The following CMYA5 variants were observed in gnomAD, a reference collection of about 807,000 sequenced individuals.
CMYA5 encodes cardiomyopathy associated 5, also known as cardiomyopathy-associated protein 5.
In CMYA5, 246 loss-of-function variants were observed where a neutral mutation model predicts 318.9. The observed-to-expected ratio is 0.77, with a 90% CI of 0.70 to 0.86. The LOEUF (loss-of-function observed/expected upper bound fraction) is 0.86, where lower values mean the gene tolerates loss of function less well. Ranked by LOEUF, CMYA5 falls within the 40% of genes least tolerant of loss-of-function variation. The probability of loss-of-function intolerance (pLI) is 0.00; values close to 1 mark genes in which losing one functional copy is unlikely to be tolerated. For missense variants in CMYA5, 4,589 were observed against 4,678.2 expected (o/e 0.98, Z 0.56); for synonymous variants, 1,641 against 1,729.5 (o/e 0.95, Z 1.27).
At chr5:79,743,685 A>C (rs933706007) in intron 2 of CMYA5, 142 bp from the exon 3 acceptor site, 13 of 465,090 alleles carry the variant, frequency 2.8e-5, no homozygotes, top group African/African-American at 2.6e-4. Context: ...CAGTAAAGAA[A>C]ATTTAAGGAT....
chr5:79,730,302 C>T lies in CMYA5; in HGVS notation c.1537C>T (p.Leu513=). 1 of 1,613,836 alleles carries T rather than the reference C, an allele frequency of 6.2e-7. No individual in the cohort carries two copies. The highest frequency in any genetic ancestry group is 1.1e-5 in the South Asian group (1 of 91,072). Residue 513 remains leucine, a synonymous_variant, in exon 2 of 13, where the codon CTA becomes TTA. Transcript: ENST00000446378. ...EPEKEEIETS[L]PIAITPEPED... is the part of the protein sequence containing the mutation. ...AGAGAAAGAAGAAATAGAAACTTCC[C>T]TACCCATAGCTATTACCCCTGAACC...
rs114130082 is a variant in CMYA5 at position 79,713,867 on chromosome 5, C to T, written c.150-15048C>T. 6.7e-3 allele frequency among the ~76,000 whole-genome samples: 1,021 copies of T among 152,206 alleles called. 9 individuals are homozygous for T. Among genetic ancestry groups the T allele is most frequent in the African/African-American group, 0.023 (942 of 41,514 alleles). Reference sequence around the variant, plus strand: ...GTAGGAAAGAAGATACTCACTACTTCGAAATCTCCTACCTTCACATGGATC... The same window carrying T: ...GTAGGAAAGAAGATACTCACTACTTTGAAATCTCCTACCTTCACATGGATC... On this transcript the variant is annotated intron_variant, in intron 1 of 12. Transcript: ENST00000446378.
chr5:79,712,432 T>G (rs1024641887), intron 1 of CMYA5, among the ~76,000 whole-genome samples: 1 of 152,014 alleles, frequency 6.6e-6, no homozygotes, highest in Non-Finnish European at 1.5e-5. Context: ...AGGCTGGTCT[T>G]GAACTCCTGC....
chr5:79,778,813 G>GTGTGTGTGTGTGTGTGTGTGTA (rs1828994121), intron 9 of CMYA5, among the ~76,000 whole-genome samples: 65 of 99,958 alleles, frequency 6.5e-4, no homozygotes, highest in African/African-American at 1.0e-3. Flanking sequence ...CTCTCTTTCT[G>GTGTGTGTGTGTGTGTGTGTGTA]TGTGTGTGTG....
At chr5:79,770,675 T>C (rs577650161) in intron 9 of CMYA5, among the ~76,000 whole-genome samples, 13 of 152,248 alleles carry the variant, frequency 8.5e-5, no homozygotes, top group Admixed American at 4.6e-4. Flanking sequence ...ACCTTCTACA[T>C]TGATCTCGCT....
Position 79,737,717 on chromosome 5 carries a change from C to G in CMYA5, c.8952C>G (p.Ala2984=). Residue 2984 remains alanine (A), a synonymous_variant, in exon 2 of 13, where the codon GCC becomes GCG. Transcript: ENST00000446378. Reference sequence around the variant, plus strand: ...AATTAGAATATTTGGAAGAGAAAGCCTCATTTAAAACCATACCACTCCCTG... The same window carrying G: ...AATTAGAATATTTGGAAGAGAAAGCGTCATTTAAAACCATACCACTCCCTG... ...QDKLEYLEEK[A]SFKTIPLPDD... 1 of 1,611,858 alleles carries G rather than the reference C, an allele frequency of 6.2e-7. No individual in the cohort carries two copies. The highest frequency in any genetic ancestry group is 8.5e-7 in the Non-Finnish European group (1 of 1,179,380).
chr5:79,768,418 G>A (rs1184321040), intron 9 of CMYA5, among the ~76,000 whole-genome samples: 17 of 152,082 alleles, frequency 1.1e-4, no homozygotes, highest in Admixed American at 1.1e-3. Context: ...AATTTGGTAT[G>A]TTTTTGCTGT....
rs1026433926 is a variant in CMYA5, at chr5:79,736,671, C to T, written c.7906C>T (p.Leu2636=). The T allele has an allele frequency of 3.7e-6, 6 of 1,613,534 alleles. No homozygotes were observed. In the African/African-American group the frequency reaches 8.0e-5, roughly 22 times the overall value. ...KVLVEKTKTF[L]PVALSCRDEI... is the part of the protein sequence containing the mutation. ...TTTGGTGGAGAAAACCAAGACTTTC[C>T]TGCCGGTGGCTCTTTCTTGTCGTGA... Residue 2636 remains leucine, a synonymous_variant, in exon 2 of 13, where the codon CTG becomes TTG. Transcript: ENST00000446378.
At chr5:79,722,016 T>G (rs1827648147) in intron 1 of CMYA5, among the ~76,000 whole-genome samples, 1 of 152,186 alleles carries the variant, frequency 6.6e-6, no homozygotes, top group African/African-American at 2.4e-5. Context: ...CTGCAGAACA[T>G]ATGTTCTTTT....
chr5:79,734,279 T>G lies in CMYA5; in HGVS notation c.5514T>G (p.Asp1838Glu). Reference sequence around the variant, plus strand: ...CAGATCAAACTGTTAAATTACCTGATGTAAGCACCTCTTCTGAAGATAAAC... The same window carrying G: ...CAGATCAAACTGTTAAATTACCTGAGGTAAGCACCTCTTCTGAAGATAAAC... Reference protein sequence around the residue: ...LHSDQTVKLPDVSTSSEDKQD... With the variant: ...LHSDQTVKLPEVSTSSEDKQD... Residue 1838 changes from aspartate to glutamate, a missense_variant, in exon 2 of 13, where the codon GAT becomes GAG. By Grantham distance (45) the Asp-to-Glu change is conservative. This residue lies in a region of CMYA5 where 2,132 missense variants were observed against 2,131.3 expected (regional missense o/e 1.00). Transcript: ENST00000446378. 1 of 1,613,624 alleles carries G rather than the reference T, an allele frequency of 6.2e-7. No individual in the cohort carries two copies. The highest frequency in any genetic ancestry group is 1.1e-5 in the South Asian group (1 of 91,002).
At position 79,731,240 on chromosome 5, in the gene CMYA5, A is replaced by G. The variant is rs1232945570; in HGVS notation, c.2475A>G (p.Lys825=). 4.3e-6 allele frequency: 7 copies of G among 1,613,892 alleles called. No individual in the cohort carries two copies. The highest frequency in any genetic ancestry group is 5.9e-6 in the Non-Finnish European group (7 of 1,179,882). ...IINEASQFKP[K]GISEHTVLSV... ...ATGAGGCATCCCAATTCAAACCAAAAGGTATTTCTGAGCACACAGTTCTGT... is the reference window on the plus strand; with the variant it reads ...ATGAGGCATCCCAATTCAAACCAAAGGGTATTTCTGAGCACACAGTTCTGT... Residue 825 remains lysine (K), a synonymous_variant, in exon 2 of 13, where the codon AAA becomes AAG. Transcript: ENST00000446378.
chr5:79,798,193 C>G (rs1222698359), intron 12 of CMYA5, among the ~76,000 whole-genome samples: 1 of 152,082 alleles, frequency 6.6e-6, no homozygotes, highest in African/African-American at 2.4e-5. Flanking sequence ...TAAATACTTG[C>G]ACTTGAGCTT....
In CMYA5 at chr5:79,736,050, C is replaced by T. The variant is rs201183682; in HGVS notation, c.7285C>T (p.Leu2429Phe). The T allele has an allele frequency of 1.5e-3, 2,393 of 1,612,252 alleles. 3 individuals are homozygous for T. Among genetic ancestry groups the T allele is most frequent in the Non-Finnish European group, 2.0e-3 (2,300 of 1,179,436 alleles). ...GSLIDFSEDR[L>F]KKEMQNPTSL... ...TTTAATTGATTTCAGTGAAGACAGA[C>T]TCAAGAAAGAAATGCAAAATCCTAC... The change falls in exon 2 of 13, where the codon CTC becomes TTC. Residue 2429 changes from leucine (L) to phenylalanine (F), a missense_variant. Physicochemically the swap from Leu to Phe is conservative, Grantham distance 22. Around this residue, in one of 3 missense-constraint regions of CMYA5, gnomAD observed 2,431 missense variants for 2,495.1 expected, o/e 0.97. Transcript: ENST00000446378.
intron 3 of CMYA5, 61 bp from the exon 4 acceptor site, chr5:79,745,161 A>G: frequency 8.6e-7 from 1 of 1,159,308 alleles, no homozygotes; most frequent in African/African-American, 1.6e-5. Flanking sequence ...TTCCAAAAAA[A>G]AAAAAAAGCA....
At chr5:79,709,588 AT>A (rs1043443993) in intron 1 of CMYA5, among the ~76,000 whole-genome samples, 250 of 144,050 alleles carry the variant, frequency 1.7e-3, no homozygotes, top group Middle Eastern at 3.6e-3. Flanking sequence ...AAGCTCATTG[AT>A]TTTTTTTTTT....
At position 79,733,736 on chromosome 5, in the gene CMYA5, A is replaced by G. The variant is rs958702315; in HGVS notation, c.4971A>G (p.Ala1657=). The G allele has an allele frequency of 1.2e-6, 2 of 1,613,712 alleles. No individual in the cohort carries two copies. Among genetic ancestry groups the G allele is most frequent in the Non-Finnish European group, 1.7e-6 (2 of 1,179,836 alleles). The change falls in exon 2 of 13, where the codon GCA becomes GCG. Residue 1657 remains alanine, a synonymous_variant. Transcript: ENST00000446378. ...GTGGATCCATAGGTACAAAACAAGC[A>G]AAGTCTCCCATAACTGAAACAGAGG... ...RQSGSIGTKQ[A]KSPITETEDS...
At position 79,731,638 on chromosome 5, in the gene CMYA5, C is replaced by T. The variant is rs143813736; in HGVS notation, c.2873C>T (p.Pro958Leu). 26 of 1,613,812 alleles carry T rather than the reference C, an allele frequency of 1.6e-5. No homozygotes were observed. The East Asian group carries it at 5.3e-4, about 33-fold the overall frequency. Reference protein sequence around the residue: ...DSAFVSEFSFPPYATQEAEKR... With the variant: ...DSAFVSEFSFLPYATQEAEKR... ...GCATTTGTGTCAGAATTCTCATTTC[C>T]ACCGTATGCAACCCAGGAAGCAGAG... The change falls in exon 2 of 13, where the codon CCA (proline) becomes CTA (leucine). Residue 958 changes from proline to leucine, a missense_variant. Coordinates refer to ENST00000446378, the MANE Select transcript of CMYA5 (RefSeq NM_153610.5).
intron 1 of CMYA5, among the ~76,000 whole-genome samples, chr5:79,697,417 T>C (rs924348943): frequency 2.0e-5 from 3 of 152,202 alleles, no homozygotes; most frequent in Non-Finnish European, 2.9e-5. Flanking sequence ...ATGACTCTTA[T>C]CCTAGAAGGG....
chr5:79,700,296 G>C (rs1436965060), intron 1 of CMYA5, among the ~76,000 whole-genome samples: 2 of 152,186 alleles, frequency 1.3e-5, no homozygotes, highest in African/African-American at 4.8e-5. Flanking sequence ...AAAGCCTTAC[G>C]TAAGTTATTT....
Sources: allele counts gnomAD v4.1 joint callset (sites outside exome capture counted in the v4.1 genomes callset), GRCh38; gene constraint gnomAD v4.1.1; regional missense constraint gnomAD v4.1.1; transcripts MANE v1.5; gene names NCBI Gene and HGNC (gene_info 2026-07-23, HGNC 2026-07-21).